ADCY5: variants seen among roughly 807,000 people sequenced by gnomAD.
The protein encoded by ADCY5 is adenylate cyclase type 5.
Under a neutral mutation model 119.7 loss-of-function variants are expected in ADCY5, and 30 were observed. The ratio of observed to expected loss-of-function variants is 0.25; its 90% confidence interval spans 0.19 to 0.34. The LOEUF is 0.34. ADCY5 is among the 10% of genes least tolerant of loss of function. The pLI, the probability that ADCY5 is intolerant of heterozygous loss-of-function variation, is 1.00. For missense variants in ADCY5, 1,324 were observed against 1,775.2 expected, an observed-to-expected ratio of 0.75 and a Z score of 4.57; for synonymous variants, 753 against 762.2, an observed-to-expected ratio of 0.99 and a Z score of 0.20.
intron 18 of ADCY5, among the ~76,000 whole-genome samples, 189 bp from the exon 19 acceptor site, chr3:123,290,143 ACACT>A (rs1939053316): frequency 2.0e-5 from 3 of 151,964 alleles, no homozygotes; most frequent in Admixed American, 2.0e-4. Context: ...AGGCCCCTCC[ACACT>A]CACTCACCCA....
intron 1 of ADCY5, among the ~76,000 whole-genome samples, chr3:123,440,777 C>T (rs577967492): frequency 2.0e-5 from 3 of 152,156 alleles, no homozygotes; most frequent in African/African-American, 7.2e-5. Context: ...TACTAACCTC[C>T]CCCTCAAAAG....
chr3:123,396,039 AGGGAGGGAGAGAGGGAGGGAGGGT>A (rs1944543866), intron 1 of ADCY5, among the ~76,000 whole-genome samples: 1 of 96,080 alleles, frequency 1.0e-5, no homozygotes, highest in Non-Finnish European at 1.9e-5. Flanking sequence ...GGAGAGAGGG[AGGGAGGGAGAGAGGGAGGGAGGGT>A]GGGAGGGAGA....
chr3:123,407,505 C>G (rs1944929834), intron 1 of ADCY5, among the ~76,000 whole-genome samples: 1 of 149,880 alleles, frequency 6.7e-6, no homozygotes, highest in African/African-American at 2.5e-5. Flanking sequence ...CATCTCAGCA[C>G]TTTGGGAGGC....
chr3:123,402,654 T>A (rs1944794379), intron 1 of ADCY5, among the ~76,000 whole-genome samples: 1 of 151,482 alleles, frequency 6.6e-6, no homozygotes, highest in African/African-American at 2.4e-5. Context: ...ATTGAGACCA[T>A]CCTGGCTAAC....
intron 1 of ADCY5, among the ~76,000 whole-genome samples, chr3:123,427,453 GTC>G (rs1350938213): frequency 6.6e-6 from 1 of 152,162 alleles, no homozygotes; most frequent in African/African-American, 2.4e-5. Flanking sequence ...CCCTGGTTTA[GTC>G]TCTTGCCACC....
At chr3:123,289,617 A>T in intron 19 of ADCY5, 133 bp downstream of exon 19, 1 of 1,061,278 alleles carries the variant, frequency 9.4e-7, no homozygotes, top group Non-Finnish European at 1.4e-6. Flanking sequence ...AACACACCAC[A>T]TCAGCCTCTG....
At chr3:123,335,541 G>C (rs1228748391) in intron 3 of ADCY5, among the ~76,000 whole-genome samples, 2 of 152,186 alleles carry the variant, frequency 1.3e-5, no homozygotes, top group Non-Finnish European at 2.9e-5. Flanking sequence ...TCAAGATGAT[G>C]CTGTCTGTAG....
At chr3:123,381,748 C>T (rs1216454233) in intron 1 of ADCY5, among the ~76,000 whole-genome samples, 2 of 152,236 alleles carry the variant, frequency 1.3e-5, no homozygotes, top group African/African-American at 4.8e-5. Flanking sequence ...AGAGCCACTG[C>T]CAGCACTAGA....
intron 20 of ADCY5, among the ~76,000 whole-genome samples, chr3:123,285,015 G>C (rs1170093391): frequency 1.3e-4 from 20 of 152,194 alleles, no homozygotes; most frequent in Admixed American, 1.3e-3. Flanking sequence ...GTGGCCTGTG[G>C]TCCATGGACT....
At chr3:123,436,126 G>A (rs113476367) in intron 1 of ADCY5, among the ~76,000 whole-genome samples, 3,957 of 151,504 alleles carry the variant, frequency 0.026, 177 homozygotes, top group African/African-American at 0.082. Context: ...TCCTGACCTC[G>A]TGATCCGCCC....
chr3:123,297,676 C>T (rs557689283), intron 15 of ADCY5, among the ~76,000 whole-genome samples: 2 of 152,354 alleles, frequency 1.3e-5, no homozygotes, highest in African/African-American at 4.8e-5. Context: ...GCCTCTCCCC[C>T]TCCCAGGCCT....
Position 123,448,205 on chromosome 3 carries a change from C to T in ADCY5, c.341G>A (p.Gly114Asp). Residue 114 changes from glycine to aspartate, a missense_variant, in exon 1 of 21, where the codon GGC becomes GAC. Physicochemically the swap from Gly to Asp is moderately conservative, Grantham distance 94. Around this residue, in one of 6 missense-constraint regions of ADCY5, gnomAD observed 585 missense variants for 569.9 expected, o/e 1.03. Transcript: ENST00000462833. ...CGCGCCCCGCCGCTGCCGGCGGCTG[C>T]CGCGACCGCAGTCGTCGCCGCCGCG... is the stretch of plus-strand genomic sequence containing the variant. ...QERGGDDCGR[G>D]SRRQRRGAAS... 7.9e-7 allele frequency: 1 copy of T among 1,270,274 alleles called. No homozygotes were observed. The allele number at this position is 1,270,274 out of a possible 1,614,324, so 78.7% of individuals were successfully genotyped here. A position where few individuals can be genotyped will look rare whatever the true frequency, so the allele number is the denominator to read the frequency against.
chr3:123,323,761 G>C (rs1442228868), intron 8 of ADCY5, among the ~76,000 whole-genome samples: 2 of 152,184 alleles, frequency 1.3e-5, no homozygotes, highest in Non-Finnish European at 2.9e-5. Context: ...CTGGGCTCAA[G>C]TGATCCTCCT....
intron 1 of ADCY5, among the ~76,000 whole-genome samples, chr3:123,409,689 G>C (rs1944994137): frequency 6.6e-6 from 1 of 152,158 alleles, no homozygotes; most frequent in African/African-American, 2.4e-5. Context: ...AGAAACTCTG[G>C]GAGCCCAGCA....
At position 123,332,482 on chromosome 3, in the gene ADCY5, G is replaced by A. The variant is rs1457904814; in HGVS notation, c.1518+82C>T. The A allele has an allele frequency of 5.8e-6, 6 of 1,030,774 alleles. No individual in the cohort carries two copies. In the African/African-American group the frequency reaches 6.3e-5, roughly 11 times the overall value. 63.9% of individuals were successfully genotyped at this position (1,030,774 alleles called of 1,614,324 possible). ...TACCCAGGCACATGCCCATCCCTGG[G>A]GTTCAGCAGGTCCTCGACCACAGCA... On this transcript the variant is annotated intron_variant, in intron 4 of 20. Coordinates refer to ENST00000462833, the MANE Select transcript of ADCY5 (RefSeq NM_183357.3).
intron 1 of ADCY5, among the ~76,000 whole-genome samples, chr3:123,423,315 C>G (rs1244845795): frequency 3.9e-5 from 6 of 152,228 alleles, no homozygotes; most frequent in Admixed American, 3.3e-4. Flanking sequence ...CCGCCCCACC[C>G]CTGCGGAGAA....
chr3:123,293,967 C>T (rs973215744), intron 17 of ADCY5, among the ~76,000 whole-genome samples: 1 of 152,110 alleles, frequency 6.6e-6, no homozygotes. Flanking sequence ...AGCCTGCGAT[C>T]GCGTGTGTTG....
chr3:123,345,797 G>C (rs191727405), intron 3 of ADCY5, among the ~76,000 whole-genome samples: 1,395 of 53,234 alleles, frequency 0.026, 29 homozygotes, highest in African/African-American at 0.13. Flanking sequence ...CACACACACA[G>C]GAAACCAAAT....
At chr3:123,285,480 T>C (rs1017313321) in intron 20 of ADCY5, among the ~76,000 whole-genome samples, 8 of 152,200 alleles carry the variant, frequency 5.3e-5, no homozygotes, top group Non-Finnish European at 1.2e-4. Flanking sequence ...CAGTGGCTCC[T>C]GGGATGACCC....
Sources: allele counts gnomAD v4.1 joint callset (sites outside exome capture counted in the v4.1 genomes callset), GRCh38; gene constraint gnomAD v4.1.1; regional missense constraint gnomAD v4.1.1; transcripts MANE v1.5; gene names NCBI Gene and HGNC (gene_info 2026-07-23, HGNC 2026-07-21).